The following PBRM1 variants were observed in gnomAD, a reference collection of about 807,000 sequenced individuals.
PBRM1 encodes protein polybromo-1.
PBRM1 carries 27 observed loss-of-function variants against 194.5 expected under a neutral mutation model. The observed-to-expected ratio is 0.14, with a 90% CI of 0.10 to 0.19. The LOEUF is 0.19. Ranked by LOEUF, PBRM1 falls within the 10% of genes least tolerant of loss-of-function variation. The probability of loss-of-function intolerance (pLI) is 1.00; values close to 1 mark genes in which losing one functional copy is unlikely to be tolerated. For missense variants in PBRM1, 1,466 were observed against 2,077.2 expected, an observed-to-expected ratio of 0.71 and a Z score of 5.72; for synonymous variants, 655 against 693.2, an observed-to-expected ratio of 0.94 and a Z score of 0.87.
intron 10 of PBRM1, among the ~76,000 whole-genome samples, chr3:52,636,535 A>G (rs1200094020): frequency 6.6e-6 from 1 of 151,464 alleles, no homozygotes; most frequent in Non-Finnish European, 1.5e-5. Context: ...AGGCGGGCAA[A>G]TCATGAGGTC....
Position 52,624,803 on chromosome 3 carries a change from T to A in PBRM1, c.1541+2470A>T. On this transcript the variant is annotated intron_variant, in intron 13 of 29. Transcript: ENST00000296302. ...ACCCCAATAAAGACTTTTTTTCACA[T>A]GCTTAAGGCTTCACTTTTCACCTAA... The A allele has an allele frequency of 3.6e-6, 3 of 831,432 alleles. No homozygotes were observed. In the South Asian group the frequency reaches 4.6e-5, roughly 13 times the overall value. 51.5% of individuals were successfully genotyped at this position (831,432 alleles called of 1,614,324 possible).
At chr3:52,593,974 A>G (rs2093342561) in intron 17 of PBRM1, among the ~76,000 whole-genome samples, 1 of 152,144 alleles carries the variant, frequency 6.6e-6, no homozygotes, top group Non-Finnish European at 1.5e-5. Flanking sequence ...CAGGTCCGGA[A>G]TATCATTGTT....
At chr3:52,661,564 A>C (rs1211504024) in intron 4 of PBRM1, among the ~76,000 whole-genome samples, 1 of 152,176 alleles carries the variant, frequency 6.6e-6, no homozygotes, top group Non-Finnish European at 1.5e-5. Flanking sequence ...GGCGGAGCAA[A>C]CAATGGAGAT....
chr3:52,640,747 T>A (rs931254719), intron 10 of PBRM1, among the ~76,000 whole-genome samples: 1 of 152,092 alleles, frequency 6.6e-6, no homozygotes, highest in African/African-American at 2.4e-5. Context: ...GTTCAAGTGA[T>A]CTTCCTAAGC....
intron 29 of PBRM1, among the ~76,000 whole-genome samples, chr3:52,549,399 C>G (rs2080299314): frequency 6.6e-6 from 1 of 152,216 alleles, no homozygotes; most frequent in Non-Finnish European, 1.5e-5. Context: ...CTCCTGAACT[C>G]AATCGATCTG....
intron 17 of PBRM1, among the ~76,000 whole-genome samples, chr3:52,592,346 G>C (rs1308427503): frequency 2.0e-5 from 3 of 152,014 alleles, no homozygotes; most frequent in Non-Finnish European, 2.9e-5. Context: ...TGGTCAGGCT[G>C]GTCTCGAACT....
chr3:52,658,264 C>G (rs376949564), exon 5 of PBRM1: 80 of 1,613,216 alleles, frequency 5.0e-5, no homozygotes, highest in Non-Finnish European at 6.5e-5. Context: ...GTAGCTACAA[C>G]TATGGCTTCA....
chr3:52,582,150 G>A (rs533980847), intron 20 of PBRM1, among the ~76,000 whole-genome samples: 1 of 150,028 alleles, frequency 6.7e-6, no homozygotes, highest in East Asian at 2.1e-4. Flanking sequence ...GCTAAGACAG[G>A]AGAATCACTT....
intron 17 of PBRM1, among the ~76,000 whole-genome samples, chr3:52,593,134 CT>C (rs1233775113): frequency 4.6e-5 from 7 of 152,072 alleles, no homozygotes; most frequent in Non-Finnish European, 1.0e-4. Flanking sequence ...ATGGTTTTTC[CT>C]GTCTCAGTCT....
At chr3:52,683,774 C>G (rs1265393684), upstream of PBRM1, among the ~76,000 whole-genome samples, 2 of 147,922 alleles carry the variant, frequency 1.4e-5, no homozygotes, top group Non-Finnish European at 3.0e-5. Flanking sequence ...GCTGGGATTG[C>G]GCCACTGCAC....
chr3:52,553,052 T>C (rs1487615594), intron 27 of PBRM1, among the ~76,000 whole-genome samples: 1 of 152,222 alleles, frequency 6.6e-6, no homozygotes, highest in Non-Finnish European at 1.5e-5. Flanking sequence ...TGCACACTGC[T>C]GGGTGCACCC....
intron 10 of PBRM1, among the ~76,000 whole-genome samples, chr3:52,641,717 G>T (rs1165238057): frequency 6.6e-6 from 1 of 152,032 alleles, no homozygotes; most frequent in African/African-American, 2.4e-5. Flanking sequence ...TTTAAACCAG[G>T]ATCTGCTAAG....
At position 52,589,158 on chromosome 3, in the gene PBRM1, A is replaced by G. The variant is rs755755530; in HGVS notation, c.2877T>C (p.His959=). The G allele has an allele frequency of 2.5e-6, 4 of 1,612,778 alleles. No individual in the cohort carries two copies. In the Admixed American group the frequency reaches 6.7e-5, roughly 27 times the overall value. Reference sequence around the variant, plus strand: ...GTTCCACATAGACGTAATCTCCAACATGGTACATGCTGTTTTTAAAGCTAC... The same window carrying G: ...GTTCCACATAGACGTAATCTCCAACGTGGTACATGCTGTTTTTAAAGCTAC... Residue 959 remains histidine (H), a synonymous_variant, in exon 18 of 30, where the codon CAT becomes CAC. Transcript: ENST00000296302.
At chr3:52,559,027 T>C (rs1420679182) in intron 25 of PBRM1, among the ~76,000 whole-genome samples, 1 of 152,198 alleles carries the variant, frequency 6.6e-6, no homozygotes, top group Non-Finnish European at 1.5e-5. Flanking sequence ...AAAGAAGTCA[T>C]GTTTAATAAA....
intron 24 of PBRM1, among the ~76,000 whole-genome samples, chr3:52,562,714 A>G (rs1225518527): frequency 6.6e-6 from 1 of 151,656 alleles, no homozygotes; most frequent in Non-Finnish European, 1.5e-5. Context: ...TAATTTTTAA[A>G]ATTTTTAGTA....
At chr3:52,587,279 T>C (rs1267284719) in intron 19 of PBRM1, 74 bp downstream of exon 21, 17 of 1,074,630 alleles carry the variant, frequency 1.6e-5, no homozygotes, top group African/African-American at 6.4e-5. Flanking sequence ...TTTGTAAACA[T>C]CGATTATTTT....
chr3:52,660,564 G>T (rs2096702304), intron 4 of PBRM1, among the ~76,000 whole-genome samples: 1 of 152,000 alleles, frequency 6.6e-6, no homozygotes, highest in African/African-American at 2.4e-5. Context: ...CCAGGCTAGA[G>T]TACAGTGGCA....
chr3:52,567,555 T>C (rs1161820829), intron 22 of PBRM1, among the ~76,000 whole-genome samples: 3 of 97,442 alleles, frequency 3.1e-5, no homozygotes, highest in African/African-American at 1.2e-4. Flanking sequence ...GACAATTTGA[T>C]AGGTAATCTC....
At chr3:52,604,954 T>C (rs1188032889) in intron 16 of PBRM1, among the ~76,000 whole-genome samples, 1 of 148,336 alleles carries the variant, frequency 6.7e-6, no homozygotes, top group East Asian at 1.9e-4. Context: ...TGAGACTCTG[T>C]CCCAAAATAA....
Sources: allele counts gnomAD v4.1 joint callset (sites outside exome capture counted in the v4.1 genomes callset), GRCh38; gene constraint gnomAD v4.1.1; transcripts MANE v1.5; gene names NCBI Gene and HGNC (gene_info 2026-07-23, HGNC 2026-07-21).